The following CDH8 variants were observed in gnomAD, a reference collection of about 807,000 sequenced individuals.
CDH8 encodes the protein cadherin 8.
Under a neutral mutation model 68.1 loss-of-function variants are expected in CDH8, and 17 were observed. The ratio of observed to expected loss-of-function variants is 0.25; its 90% CI spans 0.17 to 0.37. The LOEUF (loss-of-function observed/expected upper bound fraction) is 0.37. Ranked by LOEUF, CDH8 falls within the 10% of genes least tolerant of loss-of-function variation. CDH8 has a pLI of 1.00. For synonymous variants in CDH8, 372 were observed against 365.1 expected (o/e 1.02, Z -0.21); for missense variants, 763 against 999.3 (o/e 0.76, Z 3.19).
intron 10 of CDH8, among the ~76,000 whole-genome samples, chr16:61,698,098 A>G (rs1469599833): frequency 6.6e-6 from 1 of 152,200 alleles, no homozygotes; most frequent in East Asian, 1.9e-4. Flanking sequence ...CTGAGAAAAA[A>G]GCTCTTTTGT....
chr16:61,733,382 G>A lies in CDH8; in HGVS notation c.1415-6167C>T, dbSNP rs535731882. Among the ~76,000 whole-genome samples, 405 of 151,712 alleles carry A rather than the reference G, an allele frequency of 2.7e-3. 3 individuals carry two copies. Among genetic ancestry groups the A allele is most frequent in the Non-Finnish European group, 3.8e-3 (255 of 67,820 alleles). On this transcript the variant is annotated intron_variant, in intron 8 of 11. Coordinates refer to ENST00000577390, the MANE Select transcript of CDH8 (RefSeq NM_001796.5). The stretch of plus-strand genomic sequence containing the variant: ...TGATTTGATAAACAGGAAGTAAACA[G>A]TGACTTTTTGCAAAAAAAAATCTTT...
At chr16:61,660,930 G>A (rs1963544062) in intron 10 of CDH8, among the ~76,000 whole-genome samples, 1 of 151,952 alleles carries the variant, frequency 6.6e-6, no homozygotes, top group African/African-American at 2.4e-5. Flanking sequence ...AAAGGAAGTT[G>A]TCTTCAGACT....
intron 8 of CDH8, among the ~76,000 whole-genome samples, chr16:61,787,412 A>G (rs1272119958): frequency 2.2e-5 from 3 of 138,484 alleles, no homozygotes; most frequent in African/African-American, 8.8e-5. Context: ...TACCAGTTAG[A>G]ATGGCAATCA....
At chr16:61,917,968 C>CTTTTTT (rs71390381) in intron 2 of CDH8, among the ~76,000 whole-genome samples, 1 of 131,766 alleles carries the variant, frequency 7.6e-6, no homozygotes, top group African/African-American at 2.8e-5. Context: ...AAGTTATTTG[C>CTTTTTT]TTTTTTTTTT....
chr16:61,741,937 G>C (rs1175349262), intron 8 of CDH8, among the ~76,000 whole-genome samples: 1 of 152,048 alleles, frequency 6.6e-6, no homozygotes, highest in Non-Finnish European at 1.5e-5. Context: ...ATACTGCTTA[G>C]ATTCTACAGA....
intron 3 of CDH8, among the ~76,000 whole-genome samples, chr16:61,891,679 T>C (rs1963781526): frequency 6.6e-6 from 1 of 152,122 alleles, no homozygotes; most frequent in South Asian, 2.1e-4. Flanking sequence ...CATTGTAGAG[T>C]TTTGGAACCA....
At chr16:61,924,780 C>T (rs1964431614) in intron 2 of CDH8, among the ~76,000 whole-genome samples, 1 of 151,820 alleles carries the variant, frequency 6.6e-6, no homozygotes, top group African/African-American at 2.4e-5. Context: ...TTTTTGGCCT[C>T]TCCTCCTGTT....
chr16:61,902,217 T>A (rs576421636), intron 2 of CDH8, among the ~76,000 whole-genome samples: 3 of 152,266 alleles, frequency 2.0e-5, no homozygotes, highest in Admixed American at 2.0e-4. Context: ...AAATGACAAC[T>A]TTTCACCATG....
chr16:61,974,750 C>T (rs374049751), intron 2 of CDH8, among the ~76,000 whole-genome samples: 1 of 152,246 alleles, frequency 6.6e-6, no homozygotes, highest in East Asian at 1.9e-4. Flanking sequence ...GGAGCTATGA[C>T]ATCCAAGATC....
rs755323476 is a variant in CDH8, at chr16:61,940,857, T to C, written c.253-39384A>G. On this transcript the variant is annotated intron_variant, in intron 2 of 11. Transcript: ENST00000577390. ...CTGGAGAGATGCCTCCTTCTCTTTG[T>C]CTATCTTTCAAGCATCCCAGACTCA... Among the ~76,000 whole-genome samples, 9 of 152,166 alleles carry C rather than the reference T, an allele frequency of 5.9e-5. No homozygotes were observed. The South Asian group carries it at 6.2e-4, about 10-fold the overall frequency.
In CDH8 at chr16:61,751,806, A is replaced by G. The variant is rs561857468; in HGVS notation, c.1415-24591T>C. ...GTGGACTTTCTAGTTCAAATATTTGAAGATGTCTAAGAAAACTAAGCACGT... is the reference window on the plus strand; with the variant it reads ...GTGGACTTTCTAGTTCAAATATTTGGAGATGTCTAAGAAAACTAAGCACGT... On this transcript the variant is annotated intron_variant, in intron 8 of 11. Transcript: ENST00000577390. Among the ~76,000 whole-genome samples the G allele has an allele frequency of 7.9e-5, 12 of 152,252 alleles. No individual in the cohort carries two copies. In the East Asian group the frequency reaches 2.1e-3, roughly 27 times the overall value.
At chr16:61,697,878 A>T (rs968017585) in intron 10 of CDH8, among the ~76,000 whole-genome samples, 2 of 152,226 alleles carry the variant, frequency 1.3e-5, no homozygotes, top group South Asian at 4.1e-4. Flanking sequence ...GAAATAGGAA[A>T]AACGAAAAAC....
At chr16:61,699,384 A>G (rs1964381120) in intron 10 of CDH8, among the ~76,000 whole-genome samples, 1 of 152,148 alleles carries the variant, frequency 6.6e-6, no homozygotes. Context: ...TGAACAAGCA[A>G]TTCCTTGTTA....
chr16:61,872,111 A>G (rs1166186016), intron 3 of CDH8, among the ~76,000 whole-genome samples: 1 of 152,214 alleles, frequency 6.6e-6, no homozygotes, highest in Non-Finnish European at 1.5e-5. Flanking sequence ...TACTTCACAT[A>G]TTAACCCAAG....
intron 4 of CDH8, among the ~76,000 whole-genome samples, chr16:61,826,639 CTT>C (rs11380217): frequency 6.9e-6 from 1 of 145,944 alleles, no homozygotes; most frequent in Non-Finnish European, 1.5e-5. Flanking sequence ...AGTTGTAATT[CTT>C]TTTTTTTTTT....
chr16:61,655,061 T>A (rs1023380154), intron 11 of CDH8, among the ~76,000 whole-genome samples: 7 of 152,166 alleles, frequency 4.6e-5, no homozygotes, highest in African/African-American at 1.7e-4. Flanking sequence ...AAATTTGGGA[T>A]CCGATGGACT....
intron 1 of CDH8, among the ~76,000 whole-genome samples, chr16:62,024,831 AC>A (rs1489375154): frequency 6.6e-6 from 1 of 152,196 alleles, no homozygotes; most frequent in Non-Finnish European, 1.5e-5. Flanking sequence ...CATTATTTGA[AC>A]CTAAGTAATG....
At chr16:61,899,141 C>T (rs1963922434) in intron 3 of CDH8, among the ~76,000 whole-genome samples, 1 of 152,134 alleles carries the variant, frequency 6.6e-6, no homozygotes. Context: ...TCCCCACACC[C>T]TGACAGGCCC....
At position 61,768,314 on chromosome 16, in the gene CDH8, T is replaced by TTCTCTCTCTCTCTCTC. The variant is rs1206629963; in HGVS notation, c.1414+21016_1414+21031dup. ...AGGCTCTCTCTCTGTGTCTCTCCCT[T>TTCTCTCTCTCTCTCTC]TCTCTCTCTCTCTCTCTCTCTCTCT... On this transcript the variant is annotated intron_variant, in intron 8 of 11. Coordinates refer to ENST00000577390, the MANE Select transcript of CDH8 (RefSeq NM_001796.5). Among the ~76,000 whole-genome samples the TTCTCTCTCTCTCTCTC allele has an allele frequency of 6.4e-4, 11 of 17,206 alleles. 1 individual carries two copies. Among genetic ancestry groups the TTCTCTCTCTCTCTCTC allele is most frequent in the Non-Finnish European group, 1.0e-3 (9 of 8,970 alleles). The allele number at this position is 17,206 out of a possible 152,430, so 11.3% of individuals were successfully genotyped here.
Sources: allele counts gnomAD v4.1 joint callset (sites outside exome capture counted in the v4.1 genomes callset), GRCh38; gene constraint gnomAD v4.1.1; transcripts MANE v1.5; gene names NCBI Gene and HGNC (gene_info 2026-07-23, HGNC 2026-07-21).